Variants in ARIH1 observed in about 807,000 individuals in gnomAD.
The protein encoded by ARIH1 is E3 ubiquitin-protein ligase ARIH1.
ARIH1 carries 8 observed loss-of-function variants against 85.0 expected under a neutral mutation model. The ratio of observed to expected loss-of-function variants is 0.09; its 90% CI spans 0.06 to 0.17. ARIH1 has a LOEUF of 0.17. ARIH1 is among the 10% of genes least tolerant of loss of function. The pLI, the probability that ARIH1 is intolerant of heterozygous loss-of-function variation, is 1.00. For synonymous variants in ARIH1, 238 were observed against 253.6 expected, an observed-to-expected ratio of 0.94 and a Z score of 0.59; for missense variants, 311 against 718.1, an observed-to-expected ratio of 0.43 and a Z score of 6.48.
At chr15:72,546,737 G>T (rs2064130703) in intron 3 of ARIH1, among the ~76,000 whole-genome samples, 1 of 151,432 alleles carries the variant, frequency 6.6e-6, no homozygotes, top group African/African-American at 2.4e-5. Context: ...CTGTGTGTGT[G>T]TGTTTTGTTT....
rs2064376742 is a variant in ARIH1, at chr15:72,600,005, G to A, written c.*16713G>A. 1 of 152,180 alleles carries A rather than the reference G, an allele frequency of 6.6e-6. No homozygotes were observed. The highest frequency in any genetic ancestry group is 2.4e-5 in the African/African-American group (1 of 41,436). The allele number at this position is 152,180 out of a possible 1,614,324, so 9.4% of individuals were successfully genotyped here. ...TCAAGCGTTTGTGGTATAGGTTTTG[G>A]GAGGACTGGACACTTCCAAAGAGAA... On this transcript the variant is annotated 3_prime_UTR_variant, in exon 14 of 14. Transcript: ENST00000379887.
intron 1 of ARIH1, among the ~76,000 whole-genome samples, chr15:72,485,158 G>A (rs2592059): frequency 0.92 from 139,601 of 152,256 alleles, 65,221 homozygotes; most frequent in East Asian, 1. Flanking sequence ...TGAATCCCAC[G>A]TACTCTACCG....
chr15:72,563,306 G>A (rs1347825156), intron 6 of ARIH1, 88 bp from the exon 7 acceptor site: 8 of 1,127,890 alleles, frequency 7.1e-6, no homozygotes, highest in Non-Finnish European at 1.1e-5. Flanking sequence ...CAGTCCTCCC[G>A]CCTTGGCCTC....
chr15:72,540,298 T>TATA (rs2140421854), intron 2 of ARIH1, among the ~76,000 whole-genome samples: 1 of 150,576 alleles, frequency 6.6e-6, no homozygotes, highest in Non-Finnish European at 1.5e-5. Flanking sequence ...GAAAAAATTA[T>TATA]ATAAAACTGT....
chr15:72,535,870 C>G (rs1234410666), intron 2 of ARIH1, among the ~76,000 whole-genome samples: 1 of 152,036 alleles, frequency 6.6e-6, no homozygotes, highest in African/African-American at 2.4e-5. Context: ...AATAATGGTT[C>G]TTGTCGTTTT....
intron 2 of ARIH1, among the ~76,000 whole-genome samples, chr15:72,530,524 G>A (rs184359707): frequency 2.0e-5 from 3 of 152,284 alleles, no homozygotes; most frequent in East Asian, 1.9e-4. Context: ...GGTTAAGATA[G>A]CCCCCGTATA....
intron 2 of ARIH1, among the ~76,000 whole-genome samples, chr15:72,542,844 G>A (rs1024372273): frequency 6.6e-5 from 10 of 151,436 alleles, no homozygotes; most frequent in African/African-American, 2.4e-4. Context: ...AAAACAAGGT[G>A]TTTAGCTGGT....
chr15:72,543,847 G>A (rs1009445454), intron 2 of ARIH1, among the ~76,000 whole-genome samples: 3 of 143,280 alleles, frequency 2.1e-5, no homozygotes, highest in Non-Finnish European at 1.5e-5. Context: ...AGATTGAAAA[G>A]TTTTTTTTTT....
At position 72,585,894 on chromosome 15, in the gene ARIH1, C is replaced by G. The variant is rs530407760; in HGVS notation, c.*2602C>G. 6.6e-6 allele frequency: 1 copy of G among 152,178 alleles called. No homozygotes were observed. Among genetic ancestry groups the G allele is most frequent in the Non-Finnish European group, 1.5e-5 (1 of 68,030 alleles). 9.4% of individuals were successfully genotyped at this position (152,178 alleles called of 1,614,324 possible). A position where few individuals can be genotyped will look rare whatever the true frequency, so the allele number is the denominator to read the frequency against. On this transcript the variant is annotated 3_prime_UTR_variant, in exon 14 of 14. Transcript: ENST00000379887. ...AAGCCATGACAGCTTCCCTGTTTCACCTACAGAAGTCTTATCTGAGGGATC... is the reference window on the plus strand; with the variant it reads ...AAGCCATGACAGCTTCCCTGTTTCAGCTACAGAAGTCTTATCTGAGGGATC...
At chr15:72,581,131 C>A (rs934685377) in intron 12 of ARIH1, 140 bp downstream of exon 12, 8 of 923,954 alleles carry the variant, frequency 8.7e-6, no homozygotes, top group African/African-American at 3.3e-5. Flanking sequence ...TACAAAGATA[C>A]AAGAAATTTC....
intron 2 of ARIH1, among the ~76,000 whole-genome samples, chr15:72,523,804 T>C (rs774679859): frequency 6.6e-6 from 1 of 150,408 alleles, no homozygotes; most frequent in Admixed American, 6.7e-5. Flanking sequence ...CTCTAAAAAA[T>C]AATAAGTTTT....
intron 1 of ARIH1, among the ~76,000 whole-genome samples, chr15:72,493,301 G>C (rs2063866862): frequency 6.6e-6 from 1 of 152,162 alleles, no homozygotes; most frequent in African/African-American, 2.4e-5. Flanking sequence ...GAATAAAGCT[G>C]CTGCTTATTC....
intron 2 of ARIH1, among the ~76,000 whole-genome samples, chr15:72,532,159 C>A: frequency 6.8e-6 from 1 of 146,704 alleles, no homozygotes; most frequent in African/African-American, 2.5e-5. Context: ...ATCAAGAAGC[C>A]GTAAGATTTT....
rs1249776836 is a variant in ARIH1 at position 72,590,864 on chromosome 15, A to G, written c.*7572A>G. ...AAAGGTTTGGTATTTACTCCAAGTC[A>G]CCTGCCTTTAGCCATGGAGTATTCA... is the stretch of plus-strand genomic sequence containing the variant. On this transcript the variant is annotated 3_prime_UTR_variant, in exon 14 of 14. Coordinates refer to ENST00000379887, the MANE Select transcript of ARIH1 (RefSeq NM_005744.5). 2 of 152,178 alleles carry G rather than the reference A, an allele frequency of 1.3e-5. No homozygotes were observed. The highest frequency in any genetic ancestry group is 1.5e-5 in the Non-Finnish European group (1 of 68,038). The allele number at this position is 152,178 out of a possible 1,614,324, so 9.4% of individuals were successfully genotyped here.
Position 72,555,163 on chromosome 15 carries a change from A to G in ARIH1, c.589-108A>G, listed in dbSNP as rs1270364945. On this transcript the variant is annotated intron_variant, in intron 3 of 13. Transcript: ENST00000379887. Reference sequence around the variant, plus strand: ...GAGCCCATCTATTGTCAAATTGGACATTTTAGCCACGTAAGAAATGTGACC... The same window carrying G: ...GAGCCCATCTATTGTCAAATTGGACGTTTTAGCCACGTAAGAAATGTGACC... The G allele has an allele frequency of 5.3e-6, 4 of 748,746 alleles. No homozygotes were observed. In the Admixed American group the frequency reaches 1.1e-4, roughly 21 times the overall value. The allele number at this position is 748,746 out of a possible 1,614,324, so 46.4% of individuals were successfully genotyped here. A position where few individuals can be genotyped will look rare whatever the true frequency, so the allele number is the denominator to read the frequency against.
chr15:72,554,540 C>A (rs571562969), intron 3 of ARIH1, among the ~76,000 whole-genome samples: 2 of 152,054 alleles, frequency 1.3e-5, no homozygotes, highest in South Asian at 4.2e-4. Flanking sequence ...GCATGTGCTA[C>A]CACACCTGGC....
rs189857905 is a variant in ARIH1 at position 72,514,364 on chromosome 15, C to T, written c.376-3703C>T. Among the ~76,000 whole-genome samples the T allele has an allele frequency of 2.9e-3, 446 of 152,080 alleles. 1 individual carries two copies. Among genetic ancestry groups the T allele is most frequent in the African/African-American group, 7.0e-3 (291 of 41,482 alleles). ...TGTCATCTTCTTTCTGATAGTGAGC[C>T]GGTCCAGTGAGTGAGTTCTAAAATT... On this transcript the variant is annotated intron_variant, in intron 1 of 13. Transcript: ENST00000379887.
At chr15:72,549,841 C>T (rs898003572) in intron 3 of ARIH1, among the ~76,000 whole-genome samples, 1 of 152,102 alleles carries the variant, frequency 6.6e-6, no homozygotes, top group Non-Finnish European at 1.5e-5. Flanking sequence ...TTTTCGTGTA[C>T]TCTCTTGATC....
chr15:72,574,676 G>A lies in ARIH1; in HGVS notation c.1215+2511G>A, dbSNP rs141280361. ...AGATGGTGTATATTTTTAGCTTTGC[G>A]TACTACATAATCTCTGTTGTGACGG... On this transcript the variant is annotated intron_variant, in intron 11 of 13. Coordinates refer to ENST00000379887, the MANE Select transcript of ARIH1 (RefSeq NM_005744.5). 9.2e-5 allele frequency among the ~76,000 whole-genome samples: 14 copies of A among 152,272 alleles called. No homozygotes were observed. The East Asian group carries it at 2.5e-3, about 27-fold the overall frequency.
Sources: allele counts gnomAD v4.1 joint callset (sites outside exome capture counted in the v4.1 genomes callset), GRCh38; gene constraint gnomAD v4.1.1; transcripts MANE v1.5; gene names NCBI Gene and HGNC (gene_info 2026-07-23, HGNC 2026-07-21).